Variants in ZNF804B observed in about 807,000 individuals in gnomAD.
The protein encoded by ZNF804B is zinc finger 804B.
ZNF804B carries 80 observed loss-of-function variants against 101.4 expected under a neutral mutation model. The ratio of observed to expected loss-of-function variants is 0.79; its 90% CI spans 0.66 to 0.95. The LOEUF (loss-of-function observed/expected upper bound fraction) is 0.95. Among genes scored for constraint, ZNF804B ranks in the 40% least tolerant of loss-of-function variants. The pLI is 0.00. For synonymous variants in ZNF804B, 622 were observed against 558.8 expected, an observed-to-expected ratio of 1.11 and a Z score of -1.59; for missense variants, 1,673 against 1,561.9, an observed-to-expected ratio of 1.07 and a Z score of -1.20.
chr7:88,854,526 CTTT>C (rs1191868202), intron 1 of ZNF804B, among the ~76,000 whole-genome samples: 3 of 56,422 alleles, frequency 5.3e-5, no homozygotes, highest in African/African-American at 2.5e-4. Context: ...CCTTTCCTTC[CTTT>C]CCTTCCTTCC....
Position 88,759,995 on chromosome 7 carries a change from A to G in ZNF804B, c.19A>G (p.Ile7Val). Residue 7 changes from isoleucine (I) to valine (V), a missense_variant, in exon 1 of 4, where the codon ATC becomes GTC. Coordinates refer to ENST00000333190, the MANE Select transcript of ZNF804B (RefSeq NM_181646.5). MACYLV[I>V]SSRHLSNGHY... ...GACCCACATGGCTTGTTACCTGGTCATCAGTTCGAGACATCTCAGCAATGG... is the reference window on the plus strand; with the variant it reads ...GACCCACATGGCTTGTTACCTGGTCGTCAGTTCGAGACATCTCAGCAATGG... 1 of 1,614,188 alleles carries G rather than the reference A, an allele frequency of 6.2e-7. No homozygotes were observed. Among genetic ancestry groups the G allele is most frequent in the African/African-American group, 1.3e-5 (1 of 75,062 alleles).
intron 1 of ZNF804B, among the ~76,000 whole-genome samples, chr7:89,156,066 T>TTCTTTCTTTCTTTCTTTCTC (rs1554371377): frequency 1.2e-3 from 77 of 66,520 alleles, no homozygotes; most frequent in African/African-American, 3.4e-3. Context: ...CTTTCTTTCT[T>TTCTTTCTTTCTTTCTTTCTC]TCTTTCTCTC....
At chr7:88,809,332 TATCTATCTATC>T (rs1196030888) in intron 1 of ZNF804B, among the ~76,000 whole-genome samples, 1 of 151,252 alleles carries the variant, frequency 6.6e-6, no homozygotes, top group Admixed American at 6.6e-5. Context: ...TCTATCTATC[TATCTATCTATC>T]TATCTATCTA....
chr7:89,136,867 G>C (rs759836330), intron 1 of ZNF804B, among the ~76,000 whole-genome samples: 1 of 151,904 alleles, frequency 6.6e-6, no homozygotes, highest in Non-Finnish European at 1.5e-5. Context: ...GAATAATTGG[G>C]GGAGGTCTTT....
chr7:89,124,944 G>A (rs924626555), intron 1 of ZNF804B, among the ~76,000 whole-genome samples: 1 of 151,580 alleles, frequency 6.6e-6, no homozygotes, highest in Non-Finnish European at 1.5e-5. Flanking sequence ...GCTGGATAGC[G>A]TTATGTTTTT....
chr7:89,258,349 TCA>T (rs756566285), intron 2 of ZNF804B, among the ~76,000 whole-genome samples: 88 of 152,194 alleles, frequency 5.8e-4, no homozygotes, highest in Non-Finnish European at 8.2e-4. Context: ...CCTTAATTGC[TCA>T]GAATCCTGCT....
intron 1 of ZNF804B, among the ~76,000 whole-genome samples, chr7:88,931,502 CTT>C (rs1792885005): frequency 6.6e-6 from 1 of 151,870 alleles, no homozygotes; most frequent in South Asian, 2.1e-4. Flanking sequence ...TTTTATGAAT[CTT>C]TAAATACTAC....
rs565382674 is a variant in ZNF804B, at chr7:89,098,568, G to A, written c.109-119587G>A. On this transcript the variant is annotated intron_variant, in intron 1 of 3. Transcript: ENST00000333190. ...ATTGCAGGCGTGAGCCATTGCGTCC[G>A]GCCCATAACAACTTTTTTTAATGAA... 7.2e-5 allele frequency among the ~76,000 whole-genome samples: 11 copies of A among 152,048 alleles called. No homozygotes were observed. In the South Asian group the frequency reaches 1.2e-3, roughly 17 times the overall value.
chr7:88,764,416 A>G (rs1235167458), intron 1 of ZNF804B, among the ~76,000 whole-genome samples: 1 of 152,198 alleles, frequency 6.6e-6, no homozygotes. Flanking sequence ...TTGTCATCAA[A>G]GTGAAAAATC....
intron 1 of ZNF804B, among the ~76,000 whole-genome samples, chr7:89,056,683 T>TA (rs566965593): frequency 8.0e-4 from 122 of 152,124 alleles, no homozygotes; most frequent in Non-Finnish European, 1.3e-3. Flanking sequence ...GATCGAAGGT[T>TA]AATAACCTGT....
intron 1 of ZNF804B, among the ~76,000 whole-genome samples, chr7:88,963,945 GA>G (rs1793422872): frequency 6.6e-6 from 1 of 151,296 alleles, no homozygotes; most frequent in African/African-American, 2.4e-5. Flanking sequence ...AATCAGTAGG[GA>G]AATGCAAATT....
At chr7:88,869,975 G>A (rs1014894807) in intron 1 of ZNF804B, among the ~76,000 whole-genome samples, 7 of 152,154 alleles carry the variant, frequency 4.6e-5, no homozygotes, top group Non-Finnish European at 8.8e-5. Context: ...CTTAAATATA[G>A]GGAAATATAC....
At chr7:89,265,265 A>AGTGTGTGTGT (rs71102029) in intron 2 of ZNF804B, among the ~76,000 whole-genome samples, 33 of 145,126 alleles carry the variant, frequency 2.3e-4, no homozygotes, top group African/African-American at 7.3e-4. Flanking sequence ...AGGTTAAGTC[A>AGTGTGTGTGT]GTGTGTGTGT....
At chr7:89,188,409 A>G (rs186815190) in intron 1 of ZNF804B, among the ~76,000 whole-genome samples, 2 of 152,138 alleles carry the variant, frequency 1.3e-5, no homozygotes, top group East Asian at 1.9e-4. Flanking sequence ...ATTCCCTGAG[A>G]CACAATAATA....
chr7:89,183,451 A>G (rs565136093), intron 1 of ZNF804B, among the ~76,000 whole-genome samples: 49 of 152,298 alleles, frequency 3.2e-4, no homozygotes, highest in Non-Finnish European at 5.6e-4. Flanking sequence ...TCTATGCAGG[A>G]GAAAAGTAAG....
At chr7:89,050,905 G>A (rs1789193094) in intron 1 of ZNF804B, among the ~76,000 whole-genome samples, 1 of 151,836 alleles carries the variant, frequency 6.6e-6, no homozygotes, top group South Asian at 2.1e-4. Flanking sequence ...CCAAACAAAT[G>A]GATATAACTC....
chr7:88,776,863 A>G (rs1562790678), intron 1 of ZNF804B, among the ~76,000 whole-genome samples: 2 of 145,250 alleles, frequency 1.4e-5, no homozygotes, highest in East Asian at 2.1e-4. Context: ...TCTAGTCAGG[A>G]TAACAGAAAT....
chr7:88,910,096 C>T (rs1455479014), intron 1 of ZNF804B, among the ~76,000 whole-genome samples: 1 of 151,656 alleles, frequency 6.6e-6, no homozygotes, highest in Non-Finnish European at 1.5e-5. Flanking sequence ...AAAAACATAA[C>T]CAGGGCAAAA....
chr7:88,967,478 A>G (rs1793472703), intron 1 of ZNF804B, among the ~76,000 whole-genome samples: 1 of 151,546 alleles, frequency 6.6e-6, no homozygotes, highest in Non-Finnish European at 1.5e-5. Context: ...GTGGGGACAC[A>G]GAGCCAAACC....
Sources: gnomAD v4.1 joint callset for allele counts (sites outside exome capture counted in the v4.1 genomes callset) on GRCh38, gnomAD v4.1.1 for gene constraint, MANE v1.5 for transcripts, NCBI Gene and HGNC (gene_info 2026-07-23, HGNC 2026-07-21) for gene names.